FOXP1: variants seen among roughly 807,000 people sequenced by gnomAD.
The protein encoded by FOXP1 is forkhead box P1, also known as forkhead box protein P1.
FOXP1 carries 15 observed loss-of-function variants against 98.2 expected under a neutral mutation model. The observed-to-expected ratio is 0.15, with a 90% CI of 0.10 to 0.24. The LOEUF is 0.24. Ranked by LOEUF, FOXP1 falls within the 10% of genes least tolerant of loss-of-function variation. The pLI is 1.00. For missense variants in FOXP1, 633 were observed against 848.5 expected (o/e 0.75, Z 3.15); for synonymous variants, 371 against 314.5 (o/e 1.18, Z -1.90).
intron 18 of FOXP1, chr3:70,972,094 T>TTCA (rs1278578368): frequency 6.5e-7 from 1 of 1,530,664 alleles, no homozygotes; most frequent in African/African-American, 1.4e-5. Flanking sequence ...GTTTAAACTC[T>TTCA]TCATCATCAA....
intron 6 of FOXP1, among the ~76,000 whole-genome samples, chr3:71,166,307 C>G (rs977922214): frequency 2.0e-5 from 3 of 152,110 alleles, no homozygotes; most frequent in Non-Finnish European, 2.9e-5. Flanking sequence ...GAGCCGCTAG[C>G]GTGACCATCA....
chr3:71,143,213 T>C (rs1375077129), intron 6 of FOXP1, among the ~76,000 whole-genome samples: 1 of 152,208 alleles, frequency 6.6e-6, no homozygotes, highest in Non-Finnish European at 1.5e-5. Flanking sequence ...TTAGCTTCCT[T>C]TTCTAATTAT....
chr3:71,225,508 T>C (rs1281233353), intron 5 of FOXP1, among the ~76,000 whole-genome samples: 1 of 124,508 alleles, frequency 8.0e-6, no homozygotes, highest in Non-Finnish European at 1.6e-5. Context: ...TTTATAATTA[T>C]GACGAGGAAG....
At chr3:71,230,164 G>A (rs554641491) in intron 5 of FOXP1, among the ~76,000 whole-genome samples, 1 of 152,306 alleles carries the variant, frequency 6.6e-6, no homozygotes, top group Non-Finnish European at 1.5e-5. Context: ...ACAAAACCTT[G>A]CAAAGGCCGC....
chr3:71,582,516 C>A, intron 1 of FOXP1: 1 of 985,432 alleles, frequency 1.0e-6, no homozygotes, highest in Non-Finnish European at 1.2e-6. Flanking sequence ...GGAGAGCCAT[C>A]GGCCGCCAGG....
intron 2 of FOXP1, among the ~76,000 whole-genome samples, chr3:71,528,573 CAG>C (rs2043583404): frequency 6.6e-6 from 1 of 152,176 alleles, no homozygotes; most frequent in African/African-American, 2.4e-5. Flanking sequence ...TCATGGAACA[CAG>C]AGGTCACAGA....
At chr3:71,145,482 C>A (rs2060266448) in intron 6 of FOXP1, among the ~76,000 whole-genome samples, 1 of 152,086 alleles carries the variant, frequency 6.6e-6, no homozygotes, top group African/African-American at 2.4e-5. Flanking sequence ...GCAGAGGTTG[C>A]AATGAGCTGA....
At chr3:71,064,509 C>A (rs1396285590) in intron 7 of FOXP1, among the ~76,000 whole-genome samples, 3 of 151,978 alleles carry the variant, frequency 2.0e-5, no homozygotes, top group Non-Finnish European at 4.4e-5. Flanking sequence ...TCAACTACAC[C>A]CCACCCATGA....
At chr3:71,541,325 T>C (rs965740209) in intron 2 of FOXP1, among the ~76,000 whole-genome samples, 1 of 152,046 alleles carries the variant, frequency 6.6e-6, no homozygotes, top group South Asian at 2.1e-4. Flanking sequence ...TTAATGAAAA[T>C]AAAAAAAGAA....
At chr3:71,505,071 G>A (rs185680527) in intron 2 of FOXP1, among the ~76,000 whole-genome samples, 3 of 152,212 alleles carry the variant, frequency 2.0e-5, no homozygotes, top group East Asian at 1.9e-4. Context: ...CCCAAGCCTC[G>A]TCCCTTAACC....
chr3:71,013,236 A>G (rs9835186), intron 12 of FOXP1, among the ~76,000 whole-genome samples: 20,958 of 152,136 alleles, frequency 0.14, 1,944 homozygotes, highest in East Asian at 0.34. Flanking sequence ...CCTGAACAAA[A>G]GTCAATACCA....
At chr3:71,234,166 A>T (rs1459715551) in intron 5 of FOXP1, among the ~76,000 whole-genome samples, 2 of 152,196 alleles carry the variant, frequency 1.3e-5, no homozygotes, top group East Asian at 3.8e-4. Context: ...AAGTAAAAAA[A>T]AAAAATAAGA....
At chr3:71,117,923 C>T (rs1282101125) in intron 6 of FOXP1, among the ~76,000 whole-genome samples, 1 of 152,196 alleles carries the variant, frequency 6.6e-6, no homozygotes, top group Non-Finnish European at 1.5e-5. Flanking sequence ...CCCAGTTGCA[C>T]ACATTCACAT....
intron 3 of FOXP1, among the ~76,000 whole-genome samples, chr3:71,445,518 A>C (rs1308769690): frequency 6.6e-6 from 1 of 152,098 alleles, no homozygotes; most frequent in Non-Finnish European, 1.5e-5. Flanking sequence ...CTTTCAACCA[A>C]GTCAATTTGC....
intron 11 of FOXP1, among the ~76,000 whole-genome samples, chr3:71,022,959 G>A (rs2107807733): frequency 6.6e-6 from 1 of 152,276 alleles, no homozygotes; most frequent in African/African-American, 2.4e-5. Flanking sequence ...TGGCTGTGGA[G>A]CAGGGGGCTG....
chr3:71,363,634 T>C (rs2078724252), intron 3 of FOXP1, among the ~76,000 whole-genome samples: 2 of 152,198 alleles, frequency 1.3e-5, no homozygotes, highest in Non-Finnish European at 1.5e-5. Flanking sequence ...TCAGCACCTC[T>C]GGGCAGTTTA....
rs1255999536 is a variant in FOXP1 at position 70,958,399 on chromosome 3, C to T, written c.*848G>A. 8 of 491,456 alleles carry T rather than the reference C, an allele frequency of 1.6e-5. No individual in the cohort carries two copies. Among genetic ancestry groups the T allele is most frequent in the Admixed American group, 1.1e-4 (4 of 37,028 alleles). 30.4% of individuals were successfully genotyped at this position (491,456 alleles called of 1,614,324 possible). ...CATGTGTAGAGTGCAGCATTTGGGA[C>T]CTTTTTGAAAAAGACCAAAACGGAA... On this transcript the variant is annotated 3_prime_UTR_variant, in exon 21 of 21. Coordinates refer to ENST00000649528, the MANE Select transcript of FOXP1 (RefSeq NM_001349338.3).
Position 71,396,971 on chromosome 3 carries a change from TATATATATATGTGTATATATATAC to T in FOXP1, c.-167-37751_-167-37728del, listed in dbSNP as rs2081460521. On this transcript the variant is annotated intron_variant, in intron 3 of 20. Coordinates refer to ENST00000649528, the MANE Select transcript of FOXP1 (RefSeq NM_001349338.3). Reference sequence around the variant, plus strand: ...ATGTGTATATATATATATGTGTGTATATATATATATGTGTATATATATACACATATATATGTGTATATATATATA... The same window carrying T: ...ATGTGTATATATATATATGTGTGTATACATATATATGTGTATATATATATA... Among the ~76,000 whole-genome samples the T allele has an allele frequency of 2.7e-4, 5 of 18,548 alleles. 1 individual carries two copies. The allele number at this position is 18,548 out of a possible 152,430, so 12.2% of individuals were successfully genotyped here.
intron 2 of FOXP1, among the ~76,000 whole-genome samples, chr3:71,546,198 C>T (rs1001447760): frequency 2.0e-5 from 3 of 152,100 alleles, no homozygotes; most frequent in South Asian, 4.1e-4. Flanking sequence ...GGTTAGTGGT[C>T]GGTGGCCAGG....
Sources: allele counts gnomAD v4.1 joint callset (sites outside exome capture counted in the v4.1 genomes callset), GRCh38; gene constraint gnomAD v4.1.1; transcripts MANE v1.5; gene names NCBI Gene and HGNC (gene_info 2026-07-23, HGNC 2026-07-21).